GABRB1: variants seen among roughly 807,000 people sequenced by gnomAD.
GABRB1 encodes gamma-aminobutyric acid type A receptor subunit beta1.
In GABRB1, 17 loss-of-function variants were observed where a neutral mutation model predicts 51.6. That is an observed-to-expected ratio of 0.33 (90% CI 0.23 to 0.49). The LOEUF is 0.49. Ranked by LOEUF, GABRB1 falls within the 20% of genes least tolerant of loss-of-function variation. The probability of loss-of-function intolerance (pLI) is 0.99; values close to 1 mark genes in which losing one functional copy is unlikely to be tolerated. For missense variants in GABRB1, 410 were observed against 600.6 expected (o/e 0.68, Z 3.32); for synonymous variants, 247 against 218.9 (o/e 1.13, Z -1.14).
At chr4:47,234,694 AG>A (rs1486494302) in intron 4 of GABRB1, among the ~76,000 whole-genome samples, 5 of 152,200 alleles carry the variant, frequency 3.3e-5, no homozygotes, top group Non-Finnish European at 5.9e-5. Flanking sequence ...GCGTTTGAAA[AG>A]GAAGAAAAAA....
At chr4:47,240,045 A>G (rs1721467187) in intron 4 of GABRB1, among the ~76,000 whole-genome samples, 1 of 152,196 alleles carries the variant, frequency 6.6e-6, no homozygotes, top group Admixed American at 6.6e-5. Flanking sequence ...ATTTATTCTC[A>G]GTGGGGAGAT....
intron 4 of GABRB1, among the ~76,000 whole-genome samples, chr4:47,198,732 A>T (rs1268482955): frequency 6.6e-6 from 1 of 152,220 alleles, no homozygotes; most frequent in African/African-American, 2.4e-5. Context: ...GTTTTAGTAC[A>T]TTCTCCTGCT....
chr4:47,045,779 C>T (rs1283747001), intron 3 of GABRB1, among the ~76,000 whole-genome samples: 1 of 151,972 alleles, frequency 6.6e-6, no homozygotes, highest in Non-Finnish European at 1.5e-5. Flanking sequence ...GTTGTTATAT[C>T]GGAGCTCAAG....
intron 3 of GABRB1, among the ~76,000 whole-genome samples, chr4:47,100,862 G>A (rs576626277): frequency 9.2e-5 from 14 of 151,766 alleles, no homozygotes; most frequent in Non-Finnish European, 1.6e-4. Flanking sequence ...TATAATAGAG[G>A]GGGTATGCAA....
At chr4:47,004,727 A>T (rs554167657) in intron 1 of GABRB1, among the ~76,000 whole-genome samples, 13 of 152,014 alleles carry the variant, frequency 8.6e-5, no homozygotes, top group Admixed American at 7.2e-4. Context: ...CAGATGACAC[A>T]GTCTCTTCGA....
intron 4 of GABRB1, among the ~76,000 whole-genome samples, chr4:47,260,797 T>G (rs1020829226): frequency 5.3e-5 from 8 of 152,126 alleles, no homozygotes; most frequent in South Asian, 2.1e-4. Context: ...GCAAAAATCC[T>G]CAATGAAATA....
intron 1 of GABRB1, among the ~76,000 whole-genome samples, chr4:47,026,109 A>G (rs1725083413): frequency 6.6e-6 from 1 of 152,034 alleles, no homozygotes; most frequent in Non-Finnish European, 1.5e-5. Context: ...GAATTCAGGA[A>G]GTTTGAGATC....
chr4:47,279,608 T>C (rs1031782374), intron 4 of GABRB1, among the ~76,000 whole-genome samples: 2 of 152,112 alleles, frequency 1.3e-5, no homozygotes, highest in Non-Finnish European at 2.9e-5. Flanking sequence ...TGCATATATA[T>C]TTATAATTGC....
At chr4:47,010,468 C>T (rs1360496785) in intron 1 of GABRB1, among the ~76,000 whole-genome samples, 2 of 152,186 alleles carry the variant, frequency 1.3e-5, no homozygotes, top group Non-Finnish European at 2.9e-5. Context: ...GCCTCCTACT[C>T]TAATAGTCTG....
chr4:47,206,788 C>T (rs1224504909), intron 4 of GABRB1, among the ~76,000 whole-genome samples: 1 of 151,490 alleles, frequency 6.6e-6, no homozygotes, highest in Non-Finnish European at 1.5e-5. Flanking sequence ...CATTTTTGTA[C>T]AGCTAGAGAA....
intron 3 of GABRB1, among the ~76,000 whole-genome samples, chr4:47,104,456 G>A (rs1355060443): frequency 5.3e-5 from 8 of 151,158 alleles, no homozygotes; most frequent in Non-Finnish European, 1.5e-5. Context: ...TTTAATTTTG[G>A]AAAATTCTCA....
chr4:47,384,549 T>C (rs1449568321), intron 5 of GABRB1, among the ~76,000 whole-genome samples: 1 of 152,154 alleles, frequency 6.6e-6, no homozygotes, highest in Non-Finnish European at 1.5e-5. Context: ...ATAGAGATAT[T>C]CTGAATAGTT....
At position 47,122,237 on chromosome 4, in the gene GABRB1, G is replaced by C. The variant is rs991704721; in HGVS notation, c.241-39012G>C. Among the ~76,000 whole-genome samples, 5 of 152,142 alleles carry C rather than the reference G, an allele frequency of 3.3e-5. No individual in the cohort carries two copies. The East Asian group carries it at 9.6e-4, about 29-fold the overall frequency. On this transcript the variant is annotated intron_variant, in intron 3 of 8. Coordinates refer to ENST00000295454, the MANE Select transcript of GABRB1 (RefSeq NM_000812.4). The stretch of plus-strand genomic sequence containing the variant: ...CAAGGAAATACTTTTCTGCAGAGAG[G>C]TTTAAATTTTTAGTTGACAGTGTTG...
chr4:47,363,750 CCTTT>C (rs1443526714), intron 5 of GABRB1, among the ~76,000 whole-genome samples: 10 of 152,146 alleles, frequency 6.6e-5, no homozygotes, highest in Non-Finnish European at 1.5e-5. Context: ...GAATCCTGCT[CCTTT>C]CTTAATGTTT....
chr4:47,148,092 A>G lies in GABRB1; in HGVS notation c.241-13157A>G, dbSNP rs79907416. On this transcript the variant is annotated intron_variant, in intron 3 of 8. Coordinates refer to ENST00000295454, the MANE Select transcript of GABRB1 (RefSeq NM_000812.4). ...GCTTATTATAGTAAATCAGGTGAGA[A>G]GTGATAAAGACCAAACTAGATAGTA... Among the ~76,000 whole-genome samples the G allele has an allele frequency of 1.1e-4, 16 of 152,214 alleles. No individual in the cohort carries two copies. In the East Asian group the frequency reaches 3.1e-3, roughly 30 times the overall value.
At chr4:47,018,114 TCTC>T (rs1190203313) in intron 1 of GABRB1, among the ~76,000 whole-genome samples, 3 of 151,362 alleles carry the variant, frequency 2.0e-5, no homozygotes, top group African/African-American at 7.3e-5. Context: ...CTCCTCTTCT[TCTC>T]CTCCTCATCC....
chr4:47,275,723 T>C (rs1723050112), intron 4 of GABRB1, among the ~76,000 whole-genome samples: 1 of 152,164 alleles, frequency 6.6e-6, no homozygotes, highest in African/African-American at 2.4e-5. Context: ...TTCATTTTTG[T>C]TGTGCAAAAT....
intron 4 of GABRB1, among the ~76,000 whole-genome samples, chr4:47,167,724 G>A (rs1297120647): frequency 1.3e-5 from 2 of 152,078 alleles, no homozygotes; most frequent in African/African-American, 4.8e-5. Flanking sequence ...CTTTTCATGG[G>A]AGTTGGTGTG....
At chr4:47,201,090 C>T (rs1719879766) in intron 4 of GABRB1, among the ~76,000 whole-genome samples, 1 of 151,984 alleles carries the variant, frequency 6.6e-6, no homozygotes, top group African/African-American at 2.4e-5. Flanking sequence ...TGAATGTAAC[C>T]TCCCTGAACT....
Sources: allele counts gnomAD v4.1 joint callset (sites outside exome capture counted in the v4.1 genomes callset), GRCh38; gene constraint gnomAD v4.1.1; transcripts MANE v1.5; gene names NCBI Gene and HGNC (gene_info 2026-07-23, HGNC 2026-07-21).